The following TXNRD3 variants were observed in gnomAD, a reference collection of about 807,000 sequenced individuals.
TXNRD3 encodes the protein TXNRD3 neighbor gene protein.
TXNRD3 carries 68 observed loss-of-function variants against 78.2 expected under a neutral mutation model. That is an observed-to-expected ratio of 0.87 (90% CI 0.72 to 1.06). The LOEUF is 1.06. TXNRD3 is among the 50% of genes least tolerant of loss of function. The pLI is 0.00. For missense variants in TXNRD3, 751 were observed against 809.5 expected (o/e 0.93, Z 0.88); for synonymous variants, 296 against 300.1 (o/e 0.99, Z 0.14).
rs1365016898 is a variant in TXNRD3, at chr3:126,608,553, C to A, written c.1809G>T (p.Gly603=). ...TGTCATCAAGTAGCTGTTTTGTGAGCCCACATTTCATTGCAGCTGCAAATC... is the reference window on the plus strand; with the variant it reads ...TGTCATCAAGTAGCTGTTTTGTGAGACCACATTTCATTGCAGCTGCAAATC... The change falls in exon 15 of 16, where the codon GGG becomes GGT. Residue 603 remains glycine, a synonymous_variant. Coordinates refer to ENST00000524230, the MANE Select transcript of TXNRD3 (RefSeq NM_052883.3). The A allele has an allele frequency of 3.3e-6, 5 of 1,535,942 alleles. No homozygotes were observed. Among genetic ancestry groups the A allele is most frequent in the Non-Finnish European group, 2.6e-6 (3 of 1,146,858 alleles).
rs144293959 is a variant in TXNRD3 at position 126,642,502 on chromosome 3, G to C, written c.593-351C>G. ...CCAGCCCTGTACTCTCCATAACTCTGACTCCTCGGAGCCACGTTGTCAACT... is the reference window on the plus strand; with the variant it reads ...CCAGCCCTGTACTCTCCATAACTCTCACTCCTCGGAGCCACGTTGTCAACT... On this transcript the variant is annotated intron_variant, in intron 5 of 15. Coordinates refer to ENST00000524230, the MANE Select transcript of TXNRD3 (RefSeq NM_052883.3). Among the ~76,000 whole-genome samples the C allele has an allele frequency of 1.1e-3, 160 of 152,306 alleles. 1 individual carries two copies. The highest frequency in any genetic ancestry group is 3.6e-3 in the African/African-American group (149 of 41,552).
At chr3:126,622,128 T>C (rs972640855) in intron 11 of TXNRD3, among the ~76,000 whole-genome samples, 1 of 152,186 alleles carries the variant, frequency 6.6e-6, no homozygotes, top group African/African-American at 2.4e-5. Context: ...GCCAAGGATA[T>C]CTATAGACTG....
At chr3:126,623,863 A>AAAAAAAAAAAAAAAAAT (rs1454638515) in intron 10 of TXNRD3, among the ~76,000 whole-genome samples, 1 of 151,428 alleles carries the variant, frequency 6.6e-6, no homozygotes, top group Non-Finnish European at 1.5e-5. Context: ...AAAAAAAAAA[A>AAAAAAAAAAAAAAAAAT]AAAAAAAGAT....
At position 126,615,455 on chromosome 3, in the gene TXNRD3, TA is replaced by T; in HGVS notation, c.1531del (p.Tyr511IlefsTer33). 6.8e-7 allele frequency: 1 copy of T among 1,474,552 alleles called. No homozygotes were observed. Among genetic ancestry groups the T allele is most frequent in the South Asian group, 1.3e-5 (1 of 76,156 alleles). The allele number at this position is 1,474,552 out of a possible 1,614,324, so 91.3% of individuals were successfully genotyped here. A position where few individuals can be genotyped will look rare whatever the true frequency, so the allele number is the denominator to read the frequency against. On this transcript the variant is annotated frameshift_variant, in exon 13 of 16. Coordinates refer to ENST00000524230, the MANE Select transcript of TXNRD3 (RefSeq NM_052883.3). LOFTEE classifies it high-confidence loss of function. Reference sequence around the variant, plus strand: ...AAACACTGTAGTCGGAACATTAATATAATCACACTGAAAGACAAACAAATTA... The same window carrying T: ...AAACACTGTAGTCGGAACATTAATATATCACACTGAAAGACAAACAAATTA...
At chr3:126,611,546 C>G (rs1227286744) in intron 13 of TXNRD3, among the ~76,000 whole-genome samples, 12 of 152,270 alleles carry the variant, frequency 7.9e-5, no homozygotes, top group African/African-American at 2.9e-4. Flanking sequence ...AGAAATAAAA[C>G]CGCTCCAGCC....
Position 126,654,057 on chromosome 3 carries a change from T to C in TXNRD3, c.243+691A>G, listed in dbSNP as rs146746457. 1.7e-4 allele frequency among the ~76,000 whole-genome samples: 26 copies of C among 151,920 alleles called. No individual in the cohort carries two copies. The East Asian group carries it at 4.8e-3, about 28-fold the overall frequency. On this transcript the variant is annotated intron_variant, in intron 1 of 15. Coordinates refer to ENST00000524230, the MANE Select transcript of TXNRD3 (RefSeq NM_052883.3). ...AAAAAAAGGAAATTTTGCATAGTGG[T>C]TAACCCTGAGGGAGGGAGGAGACAG...
At chr3:126,609,922 C>T (rs1938157791) in intron 14 of TXNRD3, among the ~76,000 whole-genome samples, 1 of 152,142 alleles carries the variant, frequency 6.6e-6, no homozygotes, top group Non-Finnish European at 1.5e-5. Flanking sequence ...GAAAGGCCGC[C>T]CACAACTGCC....
At chr3:126,654,223 A>G (rs1334441816) in intron 1 of TXNRD3, among the ~76,000 whole-genome samples, 2 of 152,120 alleles carry the variant, frequency 1.3e-5, no homozygotes, top group Admixed American at 1.3e-4. Context: ...CATGAACTCA[A>G]CCCAATAGTT....
chr3:126,608,396 A>G, intron 15 of TXNRD3, 103 bp downstream of exon 15: 2 of 1,208,360 alleles, frequency 1.7e-6, no homozygotes, highest in East Asian at 2.7e-5. Flanking sequence ...ATTTAAAAAT[A>G]TACAAATCAG....
chr3:126,628,554 A>C (rs2107617780), intron 10 of TXNRD3, among the ~76,000 whole-genome samples: 1 of 152,022 alleles, frequency 6.6e-6, no homozygotes, highest in Non-Finnish European at 1.5e-5. Flanking sequence ...TGACATTTTC[A>C]AAAAAAATAC....
intron 15 of TXNRD3, among the ~76,000 whole-genome samples, chr3:126,608,186 C>A (rs1349667156): frequency 6.6e-6 from 1 of 151,678 alleles, no homozygotes; most frequent in East Asian, 1.9e-4. Context: ...CATGGTGAAA[C>A]CCCATCTCTA....
At chr3:126,645,496 C>A (rs988390454) in intron 3 of TXNRD3, among the ~76,000 whole-genome samples, 2 of 152,022 alleles carry the variant, frequency 1.3e-5, no homozygotes, top group African/African-American at 4.8e-5. Flanking sequence ...TCTTTTTTCT[C>A]CACAAAAATA....
chr3:126,615,887 A>G (rs1245426474), intron 12 of TXNRD3, among the ~76,000 whole-genome samples: 2 of 152,202 alleles, frequency 1.3e-5, no homozygotes, highest in African/African-American at 2.4e-5. Flanking sequence ...CCTCTTGGCC[A>G]TTTCATATTC....
intron 13 of TXNRD3, among the ~76,000 whole-genome samples, chr3:126,613,427 A>C (rs1277213401): frequency 6.6e-6 from 1 of 152,174 alleles, no homozygotes; most frequent in African/African-American, 2.4e-5. Context: ...TACTATGTAA[A>C]AGCTATTCAA....
At position 126,654,703 on chromosome 3, in the gene TXNRD3, G is replaced by A. The variant is rs551959791; in HGVS notation, c.243+45C>T. 656 of 1,218,626 alleles carry A rather than the reference G, an allele frequency of 5.4e-4. 2 individuals carry two copies. The African/African-American group carries it at 9.5e-3, about 18-fold the overall frequency. 75.5% of individuals were successfully genotyped at this position (1,218,626 alleles called of 1,614,324 possible). ...CCCTGCCCCGGGTGGCGTCCGCGTG[G>A]CGGGCCCGGTCGCGCGCGGTGGAAC... On this transcript the variant is annotated intron_variant, in intron 1 of 15. Transcript: ENST00000524230.
intron 10 of TXNRD3, among the ~76,000 whole-genome samples, chr3:126,622,911 T>A (rs966782923): frequency 6.6e-6 from 1 of 152,088 alleles, no homozygotes; most frequent in Non-Finnish European, 1.5e-5. Context: ...GAGGAGGACA[T>A]GGGCAACACA....
intron 1 of TXNRD3, among the ~76,000 whole-genome samples, chr3:126,648,104 G>GA (rs977169774): frequency 2.0e-5 from 3 of 151,750 alleles, no homozygotes; most frequent in Non-Finnish European, 4.4e-5. Flanking sequence ...TAGAAATTGA[G>GA]AAAAAAAATT....
At chr3:126,616,393 G>A (rs779437664) in intron 12 of TXNRD3, among the ~76,000 whole-genome samples, 2 of 152,188 alleles carry the variant, frequency 1.3e-5, no homozygotes, top group African/African-American at 2.4e-5. Context: ...TCTCACAAGA[G>A]CCAACACATA....
chr3:126,649,760 T>G (rs1933327205), intron 1 of TXNRD3, among the ~76,000 whole-genome samples: 1 of 152,196 alleles, frequency 6.6e-6, no homozygotes, highest in Admixed American at 6.5e-5. Context: ...ACAAATACTG[T>G]ATGACTCAAC....
Sources: gnomAD v4.1 joint callset for allele counts (sites outside exome capture counted in the v4.1 genomes callset) on GRCh38, gnomAD v4.1.1 for gene constraint, MANE v1.5 for transcripts, NCBI Gene and HGNC (gene_info 2026-07-23, HGNC 2026-07-21) for gene names.